PLEKHM3: variants seen among roughly 807,000 people sequenced by gnomAD.
PLEKHM3 encodes the protein pleckstrin homology domain-containing family M member 3.
In PLEKHM3, 45 loss-of-function variants were observed where a neutral mutation model predicts 81.8. The observed-to-expected ratio is 0.55, with a 90% CI of 0.43 to 0.71. PLEKHM3 has a LOEUF of 0.71. PLEKHM3 is among the 30% of genes least tolerant of loss of function. PLEKHM3 has a pLI of 0.00. For missense variants in PLEKHM3, 788 were observed against 924.3 expected (o/e 0.85, Z 1.91); for synonymous variants, 352 against 356.4 (o/e 0.99, Z 0.14).
At chr2:207,884,108 G>C (rs1687806124) in intron 6 of PLEKHM3, among the ~76,000 whole-genome samples, 1 of 151,998 alleles carries the variant, frequency 6.6e-6, no homozygotes, top group Non-Finnish European at 1.5e-5. Context: ...AGACCACTCT[G>C]GGCAACATAG....
intron 4 of PLEKHM3, 44 bp downstream of exon 4, chr2:207,946,323 C>A: frequency 6.3e-7 from 1 of 1,581,328 alleles, no homozygotes; most frequent in Non-Finnish European, 8.7e-7. Flanking sequence ...AACATATGAA[C>A]ACCTGAATTA....
intron 6 of PLEKHM3, among the ~76,000 whole-genome samples, chr2:207,907,879 G>A (rs1010620452): frequency 2.6e-5 from 4 of 152,096 alleles, no homozygotes; most frequent in African/African-American, 9.7e-5. Context: ...AATCACTAAC[G>A]TACTTTCTGT....
chr2:207,943,611 G>C (rs1198547538), intron 4 of PLEKHM3, among the ~76,000 whole-genome samples: 2 of 152,146 alleles, frequency 1.3e-5, no homozygotes, highest in Admixed American at 6.5e-5. Context: ...GCTCACGCCT[G>C]TAATCCCAGC....
intron 2 of PLEKHM3, among the ~76,000 whole-genome samples, chr2:207,979,596 C>T (rs1033331892): frequency 6.6e-6 from 1 of 151,962 alleles, no homozygotes; most frequent in African/African-American, 2.4e-5. Flanking sequence ...CAATCATCTC[C>T]TCCCTGGTAG....
chr2:207,914,999 C>T (rs1409589148), intron 5 of PLEKHM3, among the ~76,000 whole-genome samples: 1 of 152,180 alleles, frequency 6.6e-6, no homozygotes, highest in Non-Finnish European at 1.5e-5. Flanking sequence ...ACACTTCACT[C>T]GCCCATCAAA....
chr2:208,019,322 T>G (rs1188670687), intron 1 of PLEKHM3, among the ~76,000 whole-genome samples: 2 of 151,986 alleles, frequency 1.3e-5, no homozygotes, highest in African/African-American at 4.8e-5. Context: ...AAACCAAACC[T>G]GGAATTTTCC....
intron 5 of PLEKHM3, among the ~76,000 whole-genome samples, chr2:207,924,639 C>T (rs990335561): frequency 1.3e-5 from 2 of 151,982 alleles, no homozygotes; most frequent in African/African-American, 2.4e-5. Context: ...GAGCTGAGAT[C>T]GCGCCACTGC....
intron 3 of PLEKHM3, among the ~76,000 whole-genome samples, chr2:207,951,793 C>G (rs950743183): frequency 1.3e-5 from 2 of 152,204 alleles, no homozygotes; most frequent in Non-Finnish European, 2.9e-5. Context: ...GTTAACTCAA[C>G]TGGCTGCAGT....
intron 2 of PLEKHM3, among the ~76,000 whole-genome samples, chr2:207,986,547 C>T (rs748642762): frequency 6.6e-6 from 1 of 152,158 alleles, no homozygotes; most frequent in Non-Finnish European, 1.5e-5. Flanking sequence ...TTATGGAGCA[C>T]CAACTACGTG....
chr2:207,876,524 T>C (rs1331408792), intron 6 of PLEKHM3, among the ~76,000 whole-genome samples: 3 of 152,242 alleles, frequency 2.0e-5, no homozygotes, highest in African/African-American at 7.2e-5. Flanking sequence ...ATGAGACTTG[T>C]CTGCCTAATC....
intron 1 of PLEKHM3, among the ~76,000 whole-genome samples, chr2:208,014,257 C>A (rs753306367): frequency 2.0e-5 from 3 of 152,230 alleles, no homozygotes; most frequent in Non-Finnish European, 4.4e-5. Context: ...CAGAATGAGT[C>A]TTTGTCATTT....
chr2:207,961,109 A>C (rs1446543695), intron 3 of PLEKHM3, among the ~76,000 whole-genome samples: 1 of 152,206 alleles, frequency 6.6e-6, no homozygotes, highest in East Asian at 1.9e-4. Flanking sequence ...CAGGACTATA[A>C]ACAGAAGACC....
At chr2:207,923,893 A>ATCTT in intron 5 of PLEKHM3, among the ~76,000 whole-genome samples, 1 of 79,332 alleles carries the variant, frequency 1.3e-5, no homozygotes, top group Non-Finnish European at 2.6e-5. Flanking sequence ...ATATATATAT[A>ATCTT]TATATATATA....
intron 5 of PLEKHM3, among the ~76,000 whole-genome samples, chr2:207,918,297 T>A (rs1574404617): frequency 6.6e-6 from 1 of 152,052 alleles, no homozygotes; most frequent in African/African-American, 2.4e-5. Context: ...CTGAGGTGGG[T>A]GGATCACGAG....
At chr2:207,902,615 T>A (rs1688469298) in intron 6 of PLEKHM3, among the ~76,000 whole-genome samples, 1 of 152,184 alleles carries the variant, frequency 6.6e-6, no homozygotes, top group South Asian at 2.1e-4. Flanking sequence ...ACTAAACAAC[T>A]CCCCATTATT....
intron 1 of PLEKHM3, among the ~76,000 whole-genome samples, chr2:208,019,221 G>A (rs185375211): frequency 1.3e-5 from 2 of 152,212 alleles, no homozygotes; most frequent in Non-Finnish European, 2.9e-5. Context: ...TAGGAGGATC[G>A]CTTGGGCTCA....
rs148669732 is a variant in PLEKHM3, at chr2:207,990,380, C to T, written c.610+10650G>A. On this transcript the variant is annotated intron_variant, in intron 2 of 7. Coordinates refer to ENST00000427836, the MANE Select transcript of PLEKHM3 (RefSeq NM_001080475.3). ...TTCCACCTTGACTTTGTGCTCAATC[C>T]TCAAAGCTCAGCTGAAATAGCCTTT... 5.9e-5 allele frequency among the ~76,000 whole-genome samples: 9 copies of T among 152,232 alleles called. No homozygotes were observed. The East Asian group carries it at 1.7e-3, about 29-fold the overall frequency.
At chr2:207,987,577 T>C (rs1431932291) in intron 2 of PLEKHM3, among the ~76,000 whole-genome samples, 2 of 152,168 alleles carry the variant, frequency 1.3e-5, no homozygotes, top group African/African-American at 4.8e-5. Flanking sequence ...CTGTGGTAGG[T>C]AATAATATGA....
intron 6 of PLEKHM3, among the ~76,000 whole-genome samples, chr2:207,871,717 G>A (rs1336246937): frequency 6.6e-6 from 1 of 152,126 alleles, no homozygotes; most frequent in Non-Finnish European, 1.5e-5. Context: ...GGAACTTAAT[G>A]AAGCATTTGC....
Sources: allele counts gnomAD v4.1 joint callset (sites outside exome capture counted in the v4.1 genomes callset), GRCh38; gene constraint gnomAD v4.1.1; transcripts MANE v1.5; gene names NCBI Gene and HGNC (gene_info 2026-07-23, HGNC 2026-07-21).